The following RNF216 variants were observed in gnomAD, a reference collection of about 807,000 sequenced individuals.
The protein encoded by RNF216 is ring finger protein 216, also known as E3 ubiquitin-protein ligase RNF216.
RNF216 carries 72 observed loss-of-function variants against 110.8 expected under a neutral mutation model. The ratio of observed to expected loss-of-function variants is 0.65; its 90% confidence interval spans 0.54 to 0.79. RNF216 has a LOEUF of 0.79. Among genes scored for constraint, RNF216 ranks in the 30% least tolerant of loss-of-function variants. The probability of loss-of-function intolerance (pLI) is 0.00; values close to 1 mark genes in which losing one functional copy is unlikely to be tolerated. For synonymous variants in RNF216, 495 were observed against 407.5 expected (o/e 1.21, Z -2.59); for missense variants, 1,342 against 1,141.2 (o/e 1.18, Z -2.54).
intron 8 of RNF216, 25 bp downstream of exon 8, chr7:5,725,299 C>T (rs1213649705): frequency 7.5e-7 from 1 of 1,325,348 alleles, no homozygotes; most frequent in Non-Finnish European, 1.1e-6. Context: ...CAGCTACACA[C>T]TGCCACCAAC....
rs571529768 is a variant in RNF216, at chr7:5,675,052, G to C, written c.2062-22542C>G. ...ATAAAGCAAATGTCGGTACAGAATG[G>C]CAACTGCTGAAAAGCCAGCTTCATA... On this transcript the variant is annotated intron_variant, in intron 13 of 16. Transcript: ENST00000389902. 2.0e-5 allele frequency among the ~76,000 whole-genome samples: 3 copies of C among 152,208 alleles called. No homozygotes were observed. The South Asian group carries it at 6.2e-4, about 32-fold the overall frequency.
At chr7:5,654,921 G>C (rs17135681) in intron 13 of RNF216, among the ~76,000 whole-genome samples, 1 of 152,006 alleles carries the variant, frequency 6.6e-6, no homozygotes, top group African/African-American at 2.4e-5. Context: ...AACAAACCCT[G>C]TGCCTGACTA....
chr7:5,668,108 C>A (rs537850058), intron 13 of RNF216, among the ~76,000 whole-genome samples: 68 of 152,244 alleles, frequency 4.5e-4, no homozygotes, highest in African/African-American at 1.6e-3. Flanking sequence ...GGATATCAGA[C>A]AGGACATCTT....
intron 15 of RNF216, among the ~76,000 whole-genome samples, chr7:5,626,727 G>A (rs548079828): frequency 1.3e-5 from 2 of 152,222 alleles, no homozygotes; most frequent in African/African-American, 2.4e-5. Context: ...CAGGAGGGCC[G>A]TGGGCCTACA....
chr7:5,776,097 A>G (rs1453202698), intron 1 of RNF216, among the ~76,000 whole-genome samples: 1 of 152,160 alleles, frequency 6.6e-6, no homozygotes, highest in Non-Finnish European at 1.5e-5. Context: ...CAATACAGAA[A>G]AAGTTTACTG....
At chr7:5,654,315 A>G (rs757817570) in intron 13 of RNF216, among the ~76,000 whole-genome samples, 23 of 152,124 alleles carry the variant, frequency 1.5e-4, no homozygotes, top group Non-Finnish European at 2.8e-4. Context: ...AAAGAATTTA[A>G]AAAGGGAGAA....
chr7:5,741,094 T>A lies in RNF216; in HGVS notation c.923A>T (p.Asp308Val), dbSNP rs761048838. ...TGGAAAGGCTGGACCTGGCTCTTCATCATCACTTGCTAACTGCTGGTCTTC... is the reference window on the plus strand; with the variant it reads ...TGGAAAGGCTGGACCTGGCTCTTCAACATCACTTGCTAACTGCTGGTCTTC... ...EFEDQQLASD[D>V]EEPGPAFPMQ... is the part of the protein sequence containing the mutation. Residue 308 changes from aspartate (D) to valine (V), a missense_variant, in exon 4 of 17, where the codon GAT becomes GTT. By Grantham distance (152) the Asp-to-Val change is radical (BLOSUM62 -3). Transcript: ENST00000389902. 1 of 1,614,170 alleles carries A rather than the reference T, an allele frequency of 6.2e-7. No homozygotes were observed. The highest frequency in any genetic ancestry group is 1.7e-5 in the Admixed American group (1 of 60,012).
rs774848514 is a variant in RNF216, at chr7:5,623,046, T to C, written c.2586A>G (p.Pro862=). The change falls in exon 17 of 17, where the codon CCA becomes CCG. Residue 862 remains proline (P), a synonymous_variant. Coordinates refer to ENST00000389902, the MANE Select transcript of RNF216 (RefSeq NM_207111.4). ...GCCGCACGGGAGGCAGGGGGAAGGG[T>C]GGGTGCGCGAAGGCATAGGGTGGCA... ...PQMPPYAFAH[P]PFPLPPVRPV... is the part of the protein sequence containing the mutation. 39 of 1,613,318 alleles carry C rather than the reference T, an allele frequency of 2.4e-5. No homozygotes were observed. The highest frequency in any genetic ancestry group is 3.1e-5 in the Non-Finnish European group (36 of 1,179,778).
At chr7:5,663,714 C>T (rs1052752057) in intron 13 of RNF216, among the ~76,000 whole-genome samples, 1 of 149,570 alleles carries the variant, frequency 6.7e-6, no homozygotes, top group African/African-American at 2.5e-5. Context: ...GCCTGGCCAA[C>T]ATAGTGAACC....
intron 2 of RNF216, among the ~76,000 whole-genome samples, chr7:5,757,915 G>C (rs1795731372): frequency 6.6e-6 from 1 of 152,180 alleles, no homozygotes; most frequent in Non-Finnish European, 1.5e-5. Flanking sequence ...AGCACTTCGT[G>C]AGGCAGAGGC....
At chr7:5,630,384 CT>C (rs201763146) in intron 15 of RNF216, among the ~76,000 whole-genome samples, 5 of 151,374 alleles carry the variant, frequency 3.3e-5, no homozygotes, top group Admixed American at 6.6e-5. Flanking sequence ...CATCTCGTAC[CT>C]TTTTTTTTCC....
At chr7:5,723,630 G>C (rs1793577482) in intron 8 of RNF216, among the ~76,000 whole-genome samples, 1 of 151,430 alleles carries the variant, frequency 6.6e-6, no homozygotes, top group South Asian at 2.1e-4. Context: ...CTGGGCGACA[G>C]AGCAAGACTC....
intron 13 of RNF216, among the ~76,000 whole-genome samples, chr7:5,654,109 A>G (rs1336002166): frequency 6.6e-6 from 1 of 152,066 alleles, no homozygotes; most frequent in African/African-American, 2.4e-5. Context: ...TGAACGTGCA[A>G]AAGACAGAAG....
At chr7:5,733,905 G>C (rs1184626945) in intron 5 of RNF216, among the ~76,000 whole-genome samples, 2 of 152,148 alleles carry the variant, frequency 1.3e-5, no homozygotes, top group Non-Finnish European at 2.9e-5. Context: ...AAGCCTACAA[G>C]AAAGTTTTCA....
Position 5,707,043 on chromosome 7 carries a change from C to T in RNF216, c.2061+4718G>A, listed in dbSNP as rs191950612. On this transcript the variant is annotated intron_variant, in intron 13 of 16. Coordinates refer to ENST00000389902, the MANE Select transcript of RNF216 (RefSeq NM_207111.4). ...ATTAATCAGAGACTACCTTTTCCCC[C>T]GGTGGGTGTTCTTTGCACCCTTGTT... 1.1e-4 allele frequency among the ~76,000 whole-genome samples: 17 copies of T among 152,306 alleles called. No individual in the cohort carries two copies. In the East Asian group the frequency reaches 3.1e-3, roughly 28 times the overall value.
intron 10 of RNF216, among the ~76,000 whole-genome samples, chr7:5,716,421 G>A (rs191129346): frequency 1.3e-5 from 2 of 152,168 alleles, no homozygotes; most frequent in Admixed American, 6.5e-5. Context: ...GACATACCTC[G>A]TTAACTCTAA....
chr7:5,658,725 T>C (rs1788906564), intron 13 of RNF216, among the ~76,000 whole-genome samples: 1 of 152,144 alleles, frequency 6.6e-6, no homozygotes, highest in Non-Finnish European at 1.5e-5. Flanking sequence ...TATGATTTAT[T>C]TCATTACACC....
At chr7:5,725,021 T>C (rs1054555567) in intron 8 of RNF216, among the ~76,000 whole-genome samples, 15 of 152,300 alleles carry the variant, frequency 9.8e-5, no homozygotes, top group South Asian at 6.2e-4. Flanking sequence ...ATCAAACCTT[T>C]GAGACCAGTT....
chr7:5,674,680 T>C (rs1262188433), intron 13 of RNF216, among the ~76,000 whole-genome samples: 1 of 151,074 alleles, frequency 6.6e-6, no homozygotes, highest in Non-Finnish European at 1.5e-5. Context: ...CTGGGGAGAC[T>C]AGTCCAAAAA....
Sources: allele counts gnomAD v4.1 joint callset (sites outside exome capture counted in the v4.1 genomes callset), GRCh38; gene constraint gnomAD v4.1.1; transcripts MANE v1.5; gene names NCBI Gene and HGNC (gene_info 2026-07-23, HGNC 2026-07-21).